TPRG1: variants seen among roughly 807,000 people sequenced by gnomAD.
TPRG1 encodes the protein tumor protein p63 regulated 1, also known as tumor protein p63-regulated gene 1 protein.
TPRG1 carries 29 observed loss-of-function variants against 29.3 expected under a neutral mutation model. The observed-to-expected ratio is 0.99, with a 90% confidence interval of 0.74 to 1.35. The LOEUF (loss-of-function observed/expected upper bound fraction) is 1.35. TPRG1 is among the 40% of genes most tolerant of loss of function. The probability of loss-of-function intolerance (pLI) is 0.00; values close to 1 mark genes in which losing one functional copy is unlikely to be tolerated. For synonymous variants in TPRG1, 130 were observed against 116.8 expected (o/e 1.11, Z -0.73); for missense variants, 327 against 335.0 (o/e 0.98, Z 0.19).
chr3:189,111,397 C>T (rs1720508910), intron 1 of TPRG1, among the ~76,000 whole-genome samples: 1 of 151,668 alleles, frequency 6.6e-6, no homozygotes, highest in African/African-American at 2.4e-5. Context: ...ATAGATGATC[C>T]CCTACTTATA....
At chr3:189,168,362 G>A (rs1382422345), upstream of TPRG1, among the ~76,000 whole-genome samples, 3 of 152,186 alleles carry the variant, frequency 2.0e-5, no homozygotes, top group Non-Finnish European at 4.4e-5. Context: ...AAGCAGAAGG[G>A]GCTTTTTGTT....
At chr3:189,276,176 G>A (rs1298405422) in intron 4 of TPRG1, among the ~76,000 whole-genome samples, 2 of 152,136 alleles carry the variant, frequency 1.3e-5, no homozygotes, top group South Asian at 2.1e-4. Context: ...AGGCTGCCAC[G>A]ATAGAATTGG....
chr3:189,195,525 G>A, intron 1 of TPRG1, among the ~76,000 whole-genome samples: 1 of 152,186 alleles, frequency 6.6e-6, no homozygotes, highest in Non-Finnish European at 1.5e-5. Context: ...CACCGCTAGA[G>A]CAAGACACAC....
chr3:189,103,434 GGAGTGTCAAGGGAAAACTA>G (rs1338667586), intron 1 of TPRG1, among the ~76,000 whole-genome samples: 2 of 152,142 alleles, frequency 1.3e-5, no homozygotes, highest in Admixed American at 6.6e-5. Flanking sequence ...TTGCAGAGGA[GGAGTGTCAAGGGAAAACTA>G]GAGTTGGATG....
At chr3:189,051,914 C>A (rs1178312130) in intron 4 of TPRG1, among the ~76,000 whole-genome samples, 2 of 152,008 alleles carry the variant, frequency 1.3e-5, no homozygotes, top group East Asian at 3.9e-4. Context: ...GAAACTGGAT[C>A]CTCATCTCTC....
At chr3:189,232,741 C>T (rs1490935693) in intron 3 of TPRG1, among the ~76,000 whole-genome samples, 1 of 152,096 alleles carries the variant, frequency 6.6e-6, no homozygotes, top group Non-Finnish European at 1.5e-5. Flanking sequence ...TATTAGTATC[C>T]TGTGTTTACT....
chr3:189,187,874 G>A (rs757198247), intron 1 of TPRG1, among the ~76,000 whole-genome samples: 11 of 152,258 alleles, frequency 7.2e-5, no homozygotes, highest in East Asian at 3.9e-4. Flanking sequence ...AAGCGTTGAC[G>A]TAATTAATTC....
intron 3 of TPRG1, among the ~76,000 whole-genome samples, chr3:189,142,388 T>C (rs571455390): frequency 1.3e-5 from 2 of 152,276 alleles, no homozygotes; most frequent in Middle Eastern, 3.4e-3. Flanking sequence ...CCATATCCCA[T>C]GCTTGTGAGT....
intron 4 of TPRG1, among the ~76,000 whole-genome samples, chr3:189,241,978 C>T (rs772416839): frequency 1.3e-5 from 2 of 152,020 alleles, no homozygotes; most frequent in Non-Finnish European, 2.9e-5. Context: ...CTCATTCTTT[C>T]AAGGCTTCTA....
intron 3 of TPRG1, among the ~76,000 whole-genome samples, chr3:189,221,676 T>A (rs61504614): frequency 0.059 from 8,965 of 152,164 alleles, 679 homozygotes; most frequent in African/African-American, 0.18. Flanking sequence ...ATTGAAGAAA[T>A]GGTGATCAGG....
intron 4 of TPRG1, among the ~76,000 whole-genome samples, chr3:189,295,476 A>G (rs1193670879): frequency 7.8e-6 from 1 of 127,650 alleles, no homozygotes; most frequent in African/African-American, 3.1e-5. Flanking sequence ...CATAAACTCT[A>G]TTGGGTACTA....
intron 1 of TPRG1, among the ~76,000 whole-genome samples, chr3:189,119,664 A>G (rs1721595470): frequency 6.6e-6 from 1 of 152,154 alleles, no homozygotes; most frequent in African/African-American, 2.4e-5. Context: ...CTGATGGTTT[A>G]TAAGGAACAT....
At chr3:189,022,887 G>C (rs1713426140) in intron 3 of TPRG1, among the ~76,000 whole-genome samples, 2 of 152,244 alleles carry the variant, frequency 1.3e-5, no homozygotes, top group Non-Finnish European at 2.9e-5. Flanking sequence ...GAGACTCCGT[G>C]GGGTAGGACC....
At chr3:189,204,124 T>C (rs1733952102) in intron 1 of TPRG1, among the ~76,000 whole-genome samples, 1 of 151,956 alleles carries the variant, frequency 6.6e-6, no homozygotes, top group Non-Finnish European at 1.5e-5. Flanking sequence ...TTGTGCTGCC[T>C]TTACTCTCTA....
chr3:189,237,184 T>C (rs908416421), intron 3 of TPRG1, among the ~76,000 whole-genome samples: 5 of 152,134 alleles, frequency 3.3e-5, no homozygotes, highest in Middle Eastern at 3.2e-3. Flanking sequence ...ATTTATCCAC[T>C]CAATAGATAT....
At chr3:189,297,894 G>C (rs2109246328) in intron 4 of TPRG1, among the ~76,000 whole-genome samples, 1 of 152,264 alleles carries the variant, frequency 6.6e-6, no homozygotes, top group East Asian at 1.9e-4. Context: ...TGCAAAGCCT[G>C]CTATGCTAAG....
At chr3:189,171,824 G>A (rs1262836762), upstream of TPRG1, 2 of 152,198 alleles carry the variant, frequency 1.3e-5, no homozygotes, top group Non-Finnish European at 2.9e-5. Flanking sequence ...TTGAGGGAGA[G>A]GACAGGAGGT....
upstream of TPRG1, among the ~76,000 whole-genome samples, chr3:189,170,059 C>T (rs1475892345): frequency 6.6e-6 from 1 of 152,142 alleles, no homozygotes; most frequent in African/African-American, 2.4e-5. Flanking sequence ...AGTTTCTTGC[C>T]CTTTAAAATA....
At chr3:189,205,068 C>G (rs983721160) in intron 1 of TPRG1, among the ~76,000 whole-genome samples, 3 of 152,202 alleles carry the variant, frequency 2.0e-5, no homozygotes, top group African/African-American at 7.2e-5. Flanking sequence ...CACCTAAAAG[C>G]TCAGAGACAT....
Sources: gnomAD v4.1 joint callset for allele counts (sites outside exome capture counted in the v4.1 genomes callset) on GRCh38, gnomAD v4.1.1 for gene constraint, MANE v1.5 for transcripts, NCBI Gene and HGNC (gene_info 2026-07-23, HGNC 2026-07-21) for gene names.